The following CFAP95 variants were observed in gnomAD, a reference collection of about 807,000 sequenced individuals.
The protein encoded by CFAP95 is cilia and flagella associated protein 95.
the CFAP95 span, among the ~76,000 whole-genome samples, chr9:69,905,654 A>G: frequency 0.11 from 16,898 of 152,206 alleles, 1,125 homozygotes; most frequent in African/African-American, 0.18. Context: ...ATATATGATC[A>G]TAAAATTTAA....
chr9:69,829,104 C>T, the CFAP95 span, among the ~76,000 whole-genome samples: 13,113 of 152,262 alleles, frequency 0.086, 767 homozygotes, highest in South Asian at 0.18. Flanking sequence ...CTTTCATTCT[C>T]GTCTGCGTTC....
the CFAP95 span, chr9:69,856,659 C>G: frequency 6.2e-7 from 1 of 1,607,124 alleles, no homozygotes; most frequent in Non-Finnish European, 8.5e-7. Context: ...CAGTGAGCTC[C>G]GGGATTATCG....
At chr9:69,864,058 T>C in the CFAP95 span, among the ~76,000 whole-genome samples, 1 of 152,084 alleles carries the variant, frequency 6.6e-6, no homozygotes, top group Non-Finnish European at 1.5e-5. Flanking sequence ...GAGTACTGAG[T>C]TCCCACTGGA....
the CFAP95 span, among the ~76,000 whole-genome samples, chr9:69,847,117 CAGTAGTGGTCA>C: frequency 6.6e-6 from 1 of 152,080 alleles, no homozygotes. Context: ...GGGGCAGGGA[CAGTAGTGGTCA>C]AGAAGAGACT....
the CFAP95 span, among the ~76,000 whole-genome samples, chr9:69,886,585 C>T: frequency 6.6e-6 from 1 of 152,082 alleles, no homozygotes; most frequent in Admixed American, 6.5e-5. Context: ...TCGGAGGCTT[C>T]AGACATCCAC....
chr9:69,881,818 G>A, the CFAP95 span, among the ~76,000 whole-genome samples: 1 of 151,944 alleles, frequency 6.6e-6, no homozygotes, highest in African/African-American at 2.4e-5. Flanking sequence ...TTTCCATTTT[G>A]TGGTGTTCTC....
the CFAP95 span, among the ~76,000 whole-genome samples, chr9:69,846,228 G>A: frequency 6.6e-6 from 1 of 151,964 alleles, no homozygotes; most frequent in Admixed American, 6.6e-5. Flanking sequence ...CATATCGTGG[G>A]GGAAGTGAGA....
chr9:69,869,701 T>G, the CFAP95 span, among the ~76,000 whole-genome samples: 1 of 151,596 alleles, frequency 6.6e-6, no homozygotes, highest in Non-Finnish European at 1.5e-5. Flanking sequence ...CAAAACATTA[T>G]GTCATGCGCT....
chr9:69,869,253 G>A, the CFAP95 span, among the ~76,000 whole-genome samples: 5 of 152,098 alleles, frequency 3.3e-5, no homozygotes, highest in Non-Finnish European at 7.4e-5. Flanking sequence ...CTAAGTGTCC[G>A]TTGATGGATA....
the CFAP95 span, among the ~76,000 whole-genome samples, chr9:69,878,142 G>C: frequency 6.6e-6 from 1 of 152,130 alleles, no homozygotes; most frequent in Non-Finnish European, 1.5e-5. Context: ...AGGAGGGAGT[G>C]ATGTTTACTG....
At chr9:69,895,369 C>CTCTG in the CFAP95 span, among the ~76,000 whole-genome samples, 23 of 107,914 alleles carry the variant, frequency 2.1e-4, no homozygotes, top group Admixed American at 6.9e-4. Context: ...CTCTCTCTCT[C>CTCTG]TGTGTGTGTG....
At chr9:69,849,080 C>G in the CFAP95 span, among the ~76,000 whole-genome samples, 1 of 152,182 alleles carries the variant, frequency 6.6e-6, no homozygotes, top group Non-Finnish European at 1.5e-5. Context: ...TCATATCTCT[C>G]TATCCCCTTT....
the CFAP95 span, among the ~76,000 whole-genome samples, chr9:69,834,802 A>T: frequency 6.6e-6 from 1 of 152,258 alleles, no homozygotes; most frequent in Non-Finnish European, 1.5e-5. Context: ...AGATGCACAG[A>T]TCACATACAG....
chr9:69,898,966 T>C, the CFAP95 span, among the ~76,000 whole-genome samples: 4 of 152,210 alleles, frequency 2.6e-5, no homozygotes, highest in South Asian at 8.3e-4. Flanking sequence ...GAATCATCTT[T>C]GGTTCTTTGT....
At chr9:69,866,230 C>A in the CFAP95 span, among the ~76,000 whole-genome samples, 2 of 152,100 alleles carry the variant, frequency 1.3e-5, no homozygotes, top group Middle Eastern at 3.2e-3. Flanking sequence ...AGAAACAGAA[C>A]CAATATGATA....
At chr9:69,895,279 C>A in the CFAP95 span, among the ~76,000 whole-genome samples, 2 of 151,344 alleles carry the variant, frequency 1.3e-5, no homozygotes, top group African/African-American at 4.9e-5. Context: ...ACATAGAAAT[C>A]CTTCCTGAGT....
the CFAP95 span, among the ~76,000 whole-genome samples, chr9:69,891,950 A>G: frequency 2.0e-5 from 3 of 152,108 alleles, no homozygotes; most frequent in Non-Finnish European, 4.4e-5. Flanking sequence ...TTTTCTGTAT[A>G]ACAGCTGTCA....
chr9:69,832,394 CAT>C, the CFAP95 span, among the ~76,000 whole-genome samples: 3 of 152,164 alleles, frequency 2.0e-5, no homozygotes, highest in Non-Finnish European at 4.4e-5. Context: ...TTGGTTTCCA[CAT>C]ATGTCAAAGT....
the CFAP95 span, among the ~76,000 whole-genome samples, chr9:69,882,380 T>G: frequency 4.6e-5 from 7 of 152,356 alleles, no homozygotes; most frequent in South Asian, 1.4e-3. Flanking sequence ...TATAAGATCA[T>G]GTCATGTGCA....
Sources: allele counts gnomAD v4.1 joint callset (sites outside exome capture counted in the v4.1 genomes callset), GRCh38; gene constraint gnomAD v4.1.1; transcripts MANE v1.5; gene names NCBI Gene and HGNC (gene_info 2026-07-23, HGNC 2026-07-21).